LAMA2: variants seen among roughly 807,000 people sequenced by gnomAD.
LAMA2 encodes laminin subunit alpha 2, also known as laminin subunit alpha-2.
LAMA2 carries 269 observed loss-of-function variants against 364.8 expected under a neutral mutation model. The ratio of observed to expected loss-of-function variants is 0.74; its 90% CI spans 0.67 to 0.82. The LOEUF (loss-of-function observed/expected upper bound fraction) is 0.82. LAMA2 is among the 40% of genes least tolerant of loss of function. LAMA2 has a pLI of 0.00. For synonymous variants in LAMA2, 1,379 were observed against 1,370.6 expected (o/e 1.01, Z -0.14); for missense variants, 3,807 against 3,873.2 (o/e 0.98, Z 0.45).
At chr6:129,133,889 C>T (rs1409548418) in intron 4 of LAMA2, among the ~76,000 whole-genome samples, 1 of 152,128 alleles carries the variant, frequency 6.6e-6, no homozygotes, top group Non-Finnish European at 1.5e-5. Flanking sequence ...CACACGCGCA[C>T]ACACAATTCA....
At chr6:129,026,443 C>T (rs1785827240) in intron 1 of LAMA2, among the ~76,000 whole-genome samples, 2 of 151,996 alleles carry the variant, frequency 1.3e-5, no homozygotes, top group Non-Finnish European at 1.5e-5. Flanking sequence ...AAAATGAATG[C>T]AGTAGCTACA....
chr6:129,320,769 T>C, intron 28 of LAMA2, 114 bp downstream of exon 28: 1 of 708,866 alleles, frequency 1.4e-6, no homozygotes. Context: ...TATTTAATCT[T>C]CCACTCACAG....
At chr6:129,511,687 C>G (rs969320781) in intron 62 of LAMA2, among the ~76,000 whole-genome samples, 3 of 151,740 alleles carry the variant, frequency 2.0e-5, no homozygotes, top group African/African-American at 4.8e-5. Context: ...CACTTTGTTC[C>G]TAAGTGATGT....
intron 37 of LAMA2, among the ~76,000 whole-genome samples, chr6:129,399,323 T>G (rs1312800309): frequency 6.6e-6 from 1 of 152,194 alleles, no homozygotes; most frequent in Non-Finnish European, 1.5e-5. Context: ...TTCTCCAATT[T>G]TACAATGTCT....
chr6:129,012,931 C>T (rs936248742), intron 1 of LAMA2, among the ~76,000 whole-genome samples: 4 of 152,126 alleles, frequency 2.6e-5, no homozygotes, highest in African/African-American at 7.2e-5. Context: ...CCCTCTTCAA[C>T]GTATCATATT....
At chr6:129,355,543 G>A (rs913505518) in intron 32 of LAMA2, among the ~76,000 whole-genome samples, 2 of 152,150 alleles carry the variant, frequency 1.3e-5, no homozygotes, top group African/African-American at 4.8e-5. Flanking sequence ...CACCTGGGGT[G>A]TTTGATCTGC....
intron 1 of LAMA2, among the ~76,000 whole-genome samples, chr6:129,033,985 C>T (rs866735504): frequency 4.6e-5 from 7 of 150,812 alleles, no homozygotes; most frequent in Non-Finnish European, 1.0e-4. Flanking sequence ...CAAAGCAGTT[C>T]GTGGACTCTA....
In LAMA2 at chr6:128,919,897, G is replaced by A. The variant is rs138735094; in HGVS notation, c.112+36540G>A. On this transcript the variant is annotated intron_variant, in intron 1 of 64. Transcript: ENST00000421865. ...AGTGGTGTTCCCTTTATTCTCAGAA[G>A]TGGACTGGTTTAGATGATGAATTAC... Among the ~76,000 whole-genome samples, 256 of 152,258 alleles carry A rather than the reference G, an allele frequency of 1.7e-3. 1 individual carries two copies. Among genetic ancestry groups the A allele is most frequent in the African/African-American group, 5.9e-3 (245 of 41,540 alleles).
In LAMA2 at chr6:129,393,042, C is replaced by G. The variant is rs761823344; in HGVS notation, c.5235-3C>G. 6.2e-7 allele frequency: 1 copy of G among 1,612,282 alleles called. No homozygotes were observed. Among genetic ancestry groups the G allele is most frequent in the Non-Finnish European group, 8.5e-7 (1 of 1,179,314 alleles). On this transcript the variant is annotated splice_polypyrimidine_tract_variant and splice_region_variant and intron_variant, in intron 36 of 64. Transcript: ENST00000421865. ...TCTATTATTGGGCTGGGGGTGGTTA[C>G]AGAGCTGCAGAAGCCCTTCTGAAAA...
chr6:128,911,409 G>T (rs559590091), intron 1 of LAMA2, among the ~76,000 whole-genome samples: 1 of 152,068 alleles, frequency 6.6e-6, no homozygotes, highest in Non-Finnish European at 1.5e-5. Flanking sequence ...TCCAGGTGCC[G>T]CCCATCACCC....
chr6:128,888,228 C>G (rs1776257810), intron 1 of LAMA2, among the ~76,000 whole-genome samples: 1 of 152,056 alleles, frequency 6.6e-6, no homozygotes, highest in Admixed American at 6.6e-5. Context: ...TAGGCTTTCC[C>G]CATTGGTAAG....
chr6:129,331,656 T>C (rs931471007), intron 29 of LAMA2, among the ~76,000 whole-genome samples: 1 of 151,854 alleles, frequency 6.6e-6, no homozygotes, highest in African/African-American at 2.4e-5. Context: ...TATTGTCACT[T>C]TTTTTTTCCA....
At chr6:128,883,923 A>G (rs1554313032) in intron 1 of LAMA2, among the ~76,000 whole-genome samples, 1 of 151,372 alleles carries the variant, frequency 6.6e-6, no homozygotes, top group Non-Finnish European at 1.5e-5. Context: ...TTTTTCTTTC[A>G]TGGCAATGGC....
intron 18 of LAMA2, among the ~76,000 whole-genome samples, chr6:129,287,051 CAAGG>C (rs1789305672): frequency 1.4e-3 from 2 of 1,434 alleles, no homozygotes; most frequent in African/African-American, 3.3e-3. Flanking sequence ...AGGAAGGAAG[CAAGG>C]AAGGAAGGAA....
chr6:129,101,656 C>A (rs909494381), intron 4 of LAMA2, among the ~76,000 whole-genome samples: 9 of 152,274 alleles, frequency 5.9e-5, no homozygotes, highest in African/African-American at 1.7e-4. Context: ...TTACACTAGC[C>A]ACATTTCAAG....
chr6:129,143,811 A>C, intron 4 of LAMA2, 90 bp from the exon 5 acceptor site: 3 of 912,268 alleles, frequency 3.3e-6, no homozygotes, highest in Non-Finnish European at 5.2e-6. Context: ...GAGAATGGGA[A>C]GTTAACTTTA....
rs746843084 is a variant in LAMA2, at chr6:129,059,868, A to G, written c.368A>G (p.Tyr123Cys). The change falls in exon 3 of 65, where the codon TAT (tyrosine) becomes TGT (cysteine). Residue 123 changes from tyrosine (Y) to cysteine (C), a missense_variant. Transcript: ENST00000421865. ...ATTAAGAATGGAATCGAATACCATTATGTGACAATTACCCTGGATTTACAG... is the reference window on the plus strand; with the variant it reads ...ATTAAGAATGGAATCGAATACCATTGTGTGACAATTACCCTGGATTTACAG... ...PSIKNGIEYHYVTITLDLQQV... is the reference protein window; with the variant it reads ...PSIKNGIEYHCVTITLDLQQV... The G allele has an allele frequency of 1.9e-6, 3 of 1,593,898 alleles. No homozygotes were observed. Among genetic ancestry groups the G allele is most frequent in the South Asian group, 1.1e-5 (1 of 90,690 alleles).
intron 12 of LAMA2, among the ~76,000 whole-genome samples, chr6:129,229,894 T>A (rs895575226): frequency 6.6e-6 from 1 of 152,216 alleles, no homozygotes. Context: ...TCAGCTTAGC[T>A]AATTATATAA....
At chr6:129,511,656 T>G (rs1436115734) in intron 62 of LAMA2, among the ~76,000 whole-genome samples, 1 of 152,128 alleles carries the variant, frequency 6.6e-6, no homozygotes, top group Non-Finnish European at 1.5e-5. Context: ...GTTGGTGTGG[T>G]CTAGACAGAT....
Sources: gnomAD v4.1 joint callset for allele counts (sites outside exome capture counted in the v4.1 genomes callset) on GRCh38, gnomAD v4.1.1 for gene constraint, MANE v1.5 for transcripts, NCBI Gene and HGNC (gene_info 2026-07-23, HGNC 2026-07-21) for gene names.